Variants in CNIH3 observed in about 807,000 individuals in gnomAD.
CNIH3 encodes the protein protein cornichon homolog 3.
In CNIH3, 14 loss-of-function variants were observed where a neutral mutation model predicts 24.1. The ratio of observed to expected loss-of-function variants is 0.58; its 90% CI spans 0.38 to 0.91. CNIH3 has a LOEUF of 0.91. Ranked by LOEUF, CNIH3 falls within the 40% of genes least tolerant of loss-of-function variation. The pLI, the probability that CNIH3 is intolerant of heterozygous loss-of-function variation, is 0.00. For missense variants in CNIH3, 178 were observed against 196.8 expected (o/e 0.90, Z 0.57); for synonymous variants, 68 against 73.8 (o/e 0.92, Z 0.40).
chr1:224,693,634 A>C (rs955280315), intron 3 of CNIH3, among the ~76,000 whole-genome samples: 1 of 152,206 alleles, frequency 6.6e-6, no homozygotes, highest in African/African-American at 2.4e-5. Context: ...AAGAAGTGGA[A>C]ATGCGCAAGC....
intron 4 of CNIH3, 54 bp from the exon 5 acceptor site, chr1:224,734,509 G>A (rs1689494759): frequency 1.3e-6 from 2 of 1,596,096 alleles, no homozygotes; most frequent in Non-Finnish European, 1.7e-6. Context: ...GTTTGCCCAG[G>A]TTACGCCAGA....
At chr1:224,567,751 G>A (rs1447892442) in intron 4 of CNIH3, among the ~76,000 whole-genome samples, 2 of 152,082 alleles carry the variant, frequency 1.3e-5, no homozygotes, top group African/African-American at 4.8e-5. Flanking sequence ...TAGTCAAAAA[G>A]ATAACCACCC....
intron 1 of CNIH3, among the ~76,000 whole-genome samples, chr1:224,489,629 T>C (rs957420959): frequency 2.0e-5 from 3 of 152,256 alleles, no homozygotes; most frequent in Non-Finnish European, 4.4e-5. Context: ...ACTGTTGTTA[T>C]CTGTGAGAAC....
At chr1:224,670,714 T>G (rs527561865) in intron 1 of CNIH3, among the ~76,000 whole-genome samples, 1 of 152,294 alleles carries the variant, frequency 6.6e-6, no homozygotes, top group Admixed American at 6.5e-5. Context: ...TCATGATGGC[T>G]TCTCACACAT....
chr1:224,601,412 A>G (rs1682204204), intron 3 of CNIH3, among the ~76,000 whole-genome samples: 1 of 152,190 alleles, frequency 6.6e-6, no homozygotes, highest in Non-Finnish European at 1.5e-5. Flanking sequence ...CTTAGTGCAC[A>G]TGCTTGAGCC....
rs567827124 is a variant in CNIH3, at chr1:224,664,369, G to A, written c.82-16589G>A. Among the ~76,000 whole-genome samples, 17 of 152,346 alleles carry A rather than the reference G, an allele frequency of 1.1e-4. No homozygotes were observed. The South Asian group carries it at 3.3e-3, about 30-fold the overall frequency. On this transcript the variant is annotated intron_variant, in intron 1 of 5. Coordinates refer to ENST00000272133, the MANE Select transcript of CNIH3 (RefSeq NM_152495.2). ...ACCATCAGCATAAGTTCTATGGGCA[G>A]TTGGACTGGTTTCACTAGTTGTGAA...
At chr1:224,565,493 C>CT (rs1156619831) in intron 3 of CNIH3, 1 of 152,340 alleles carries the variant, frequency 6.6e-6, no homozygotes, top group Non-Finnish European at 1.5e-5. Context: ...CACCACCCTG[C>CT]TTGCATTCTT....
At chr1:224,632,050 C>T (rs1219889458) in intron 1 of CNIH3, among the ~76,000 whole-genome samples, 1 of 152,118 alleles carries the variant, frequency 6.6e-6, no homozygotes, top group Non-Finnish European at 1.5e-5. Context: ...TTAAGTAGAT[C>T]CCCGGCATGC....
intron 3 of CNIH3, among the ~76,000 whole-genome samples, chr1:224,608,940 C>A (rs1330076173): frequency 6.6e-6 from 1 of 152,232 alleles, no homozygotes; most frequent in Non-Finnish European, 1.5e-5. Context: ...TTTGAGCCCA[C>A]TCGCCCAACT....
chr1:224,506,491 C>T (rs950018102), intron 1 of CNIH3, among the ~76,000 whole-genome samples: 2 of 152,172 alleles, frequency 1.3e-5, no homozygotes, highest in Non-Finnish European at 2.9e-5. Context: ...GCTGGCAGTC[C>T]CCGCTGCTCA....
At chr1:224,520,883 A>G (rs890770308) in intron 1 of CNIH3, 2 of 152,236 alleles carry the variant, frequency 1.3e-5, no homozygotes, top group African/African-American at 4.8e-5. Context: ...GGCTTTATAC[A>G]TACTGCATTC....
At chr1:224,561,955 G>A (rs1223043456) in intron 3 of CNIH3, among the ~76,000 whole-genome samples, 1 of 152,186 alleles carries the variant, frequency 6.6e-6, no homozygotes, top group Non-Finnish European at 1.5e-5. Context: ...GAAGAAGAGT[G>A]CATGGAAACT....
chr1:224,554,586 TTG>T (rs2124972222), intron 3 of CNIH3, among the ~76,000 whole-genome samples: 1 of 151,268 alleles, frequency 6.6e-6, no homozygotes, highest in Non-Finnish European at 1.5e-5. Flanking sequence ...TTTTTTTTTG[TTG>T]TTGTTGTTGT....
intron 1 of CNIH3, among the ~76,000 whole-genome samples, chr1:224,502,555 C>T (rs762896910): frequency 1.3e-5 from 2 of 152,198 alleles, no homozygotes; most frequent in African/African-American, 2.4e-5. Flanking sequence ...GGCACTCTTG[C>T]ACCAGTGTAA....
intron 1 of CNIH3, among the ~76,000 whole-genome samples, chr1:224,630,846 T>C (rs1163798635): frequency 6.6e-6 from 1 of 152,142 alleles, no homozygotes; most frequent in Non-Finnish European, 1.5e-5. Flanking sequence ...CCTTGGGGTA[T>C]GCTGTCTGGC....
chr1:224,706,955 T>C (rs1309157281), intron 3 of CNIH3, among the ~76,000 whole-genome samples: 1 of 134,508 alleles, frequency 7.4e-6, no homozygotes, highest in Non-Finnish European at 1.5e-5. Flanking sequence ...CTTTCCTTTC[T>C]TTCTTTTTTT....
chr1:224,511,903 T>A (rs1336344439), upstream of CNIH3, among the ~76,000 whole-genome samples: 1 of 152,094 alleles, frequency 6.6e-6, no homozygotes, highest in Non-Finnish European at 1.5e-5. Context: ...TGGCCAGGCA[T>A]GGTGGCTCAT....
At chr1:224,660,802 G>A (rs148151062) in intron 1 of CNIH3, among the ~76,000 whole-genome samples, 5 of 152,250 alleles carry the variant, frequency 3.3e-5, no homozygotes, top group East Asian at 3.9e-4. Flanking sequence ...CAATATTAAC[G>A]TCATAACAGG....
chr1:224,469,993 C>A (rs1325801549), intron 1 of CNIH3, among the ~76,000 whole-genome samples: 1 of 151,306 alleles, frequency 6.6e-6, no homozygotes, highest in East Asian at 1.9e-4. Context: ...TTAAACTTGG[C>A]AGTTCTTTCT....
Sources: allele counts gnomAD v4.1 joint callset (sites outside exome capture counted in the v4.1 genomes callset), GRCh38; gene constraint gnomAD v4.1.1; transcripts MANE v1.5; gene names NCBI Gene and HGNC (gene_info 2026-07-23, HGNC 2026-07-21).